Variants in ADGRB3 observed in about 807,000 individuals in gnomAD.
ADGRB3 encodes the protein adhesion G protein-coupled receptor B3.
ADGRB3 carries 37 observed loss-of-function variants against 193.4 expected under a neutral mutation model. The observed-to-expected ratio is 0.19, with a 90% CI of 0.15 to 0.25. The LOEUF is 0.25. Ranked by LOEUF, ADGRB3 falls within the 10% of genes least tolerant of loss-of-function variation. The pLI, the probability that ADGRB3 is intolerant of heterozygous loss-of-function variation, is 1.00. For synonymous variants in ADGRB3, 690 were observed against 644.2 expected (o/e 1.07, Z -1.08); for missense variants, 1,637 against 1,852.9 (o/e 0.88, Z 2.14).
At chr6:68,754,208 A>G (rs1322350969) in intron 3 of ADGRB3, among the ~76,000 whole-genome samples, 1 of 152,242 alleles carries the variant, frequency 6.6e-6, no homozygotes. Flanking sequence ...GTTTATCATG[A>G]GTTAGGCAGG....
chr6:68,700,674 T>C (rs1484418134), intron 3 of ADGRB3, among the ~76,000 whole-genome samples: 3 of 151,940 alleles, frequency 2.0e-5, no homozygotes, highest in South Asian at 4.1e-4. Context: ...TTTTTCTTCC[T>C]TGTAACTAAG....
At chr6:68,819,027 A>G (rs1767691226) in intron 3 of ADGRB3, among the ~76,000 whole-genome samples, 1 of 152,140 alleles carries the variant, frequency 6.6e-6, no homozygotes, top group Non-Finnish European at 1.5e-5. Context: ...TGTTGCAGCA[A>G]CAATGGTTAA....
intron 3 of ADGRB3, among the ~76,000 whole-genome samples, chr6:68,706,826 T>A (rs958704667): frequency 1.2e-4 from 18 of 152,254 alleles, no homozygotes; most frequent in Middle Eastern, 3.4e-3. Flanking sequence ...ATTGTTTTGA[T>A]GGAGGCTGGG....
At chr6:69,002,356 C>CT (rs1320069756) in intron 11 of ADGRB3, among the ~76,000 whole-genome samples, 3 of 151,698 alleles carry the variant, frequency 2.0e-5, no homozygotes, top group African/African-American at 7.3e-5. Context: ...ATAGCTGGGA[C>CT]TACAGGTGCA....
At chr6:69,245,910 T>C (rs1047204566) in intron 20 of ADGRB3, among the ~76,000 whole-genome samples, 2 of 152,186 alleles carry the variant, frequency 1.3e-5, no homozygotes, top group Non-Finnish European at 2.9e-5. Flanking sequence ...ATAAGTATTA[T>C]TAGATGAATG....
At chr6:69,073,086 G>A (rs79754601) in intron 16 of ADGRB3, among the ~76,000 whole-genome samples, 79 of 152,274 alleles carry the variant, frequency 5.2e-4, no homozygotes, top group Non-Finnish European at 8.7e-4. Flanking sequence ...GTAAACTATG[G>A]CTAGTGATAT....
chr6:68,748,595 C>T (rs1766130943), intron 3 of ADGRB3, among the ~76,000 whole-genome samples: 1 of 152,146 alleles, frequency 6.6e-6, no homozygotes, highest in Admixed American at 6.5e-5. Context: ...GGTACAGCCT[C>T]CCTCTTGGCT....
intron 3 of ADGRB3, among the ~76,000 whole-genome samples, chr6:68,879,088 G>A (rs928745703): frequency 1.3e-5 from 2 of 151,990 alleles, no homozygotes; most frequent in African/African-American, 4.8e-5. Context: ...CATGGCATAA[G>A]CAAGATAAAT....
chr6:69,153,072 C>G (rs753659271), intron 17 of ADGRB3, among the ~76,000 whole-genome samples: 3 of 151,856 alleles, frequency 2.0e-5, no homozygotes, highest in Non-Finnish European at 2.9e-5. Context: ...TCACATGAAG[C>G]GTCCACCCAG....
chr6:68,913,363 A>G (rs1034482572), intron 3 of ADGRB3, among the ~76,000 whole-genome samples: 1 of 152,158 alleles, frequency 6.6e-6, no homozygotes, highest in Non-Finnish European at 1.5e-5. Flanking sequence ...GAGGAACGAT[A>G]AGACAGCAAC....
At chr6:69,370,111 A>G (rs1384587744) in intron 29 of ADGRB3, among the ~76,000 whole-genome samples, 1 of 152,116 alleles carries the variant, frequency 6.6e-6, no homozygotes, top group Non-Finnish European at 1.5e-5. Context: ...TTGAATCCCA[A>G]CTCATTTGCT....
chr6:68,932,669 A>G (rs1046458422), intron 4 of ADGRB3, among the ~76,000 whole-genome samples: 1 of 151,960 alleles, frequency 6.6e-6, no homozygotes, highest in African/African-American at 2.4e-5. Flanking sequence ...AAAATTTTAC[A>G]AAAATTAAGC....
chr6:68,948,907 G>A (rs181298968), intron 6 of ADGRB3, among the ~76,000 whole-genome samples: 11 of 152,124 alleles, frequency 7.2e-5, no homozygotes, highest in Admixed American at 6.6e-4. Context: ...AGAAGATATG[G>A]ATTAAAGTTC....
At chr6:68,975,171 CTAAG>C in intron 9 of ADGRB3, 59 bp from the exon 10 acceptor site, 1 of 1,332,624 alleles carries the variant, frequency 7.5e-7, no homozygotes, top group Non-Finnish European at 1.1e-6. Flanking sequence ...TGATTCCCAG[CTAAG>C]TGTGATGCCT....
At chr6:69,364,570 T>G (rs1212046328) in intron 29 of ADGRB3, among the ~76,000 whole-genome samples, 5 of 152,068 alleles carry the variant, frequency 3.3e-5, no homozygotes, top group African/African-American at 4.8e-5. Context: ...TTTCTTTCCT[T>G]CTGGTGATAT....
chr6:68,828,881 G>T (rs1767898774), intron 3 of ADGRB3, among the ~76,000 whole-genome samples: 1 of 151,994 alleles, frequency 6.6e-6, no homozygotes, highest in Non-Finnish European at 1.5e-5. Flanking sequence ...TATGCCCACT[G>T]TATGACTGGA....
intron 3 of ADGRB3, among the ~76,000 whole-genome samples, chr6:68,700,931 T>A (rs1765232976): frequency 6.6e-6 from 1 of 151,978 alleles, no homozygotes; most frequent in South Asian, 2.1e-4. Context: ...GTAACAAACC[T>A]GCACGTTGTG....
At chr6:69,156,721 A>G (rs59209510) in intron 17 of ADGRB3, among the ~76,000 whole-genome samples, 274 of 152,314 alleles carry the variant, frequency 1.8e-3, no homozygotes, top group African/African-American at 6.2e-3. Flanking sequence ...AAAACAGAAA[A>G]TCCAATGTTG....
At position 69,333,019 on chromosome 6, in the gene ADGRB3, A is replaced by G. The variant is rs761445751; in HGVS notation, c.3188+11A>G. The G allele has an allele frequency of 4.3e-6, 7 of 1,612,210 alleles. No individual in the cohort carries two copies. Among genetic ancestry groups the G allele is most frequent in the East Asian group, 4.5e-5 (2 of 44,844 alleles). ...CAAACACAGAGCCGGGTAAGCTGCA[A>G]TTGGTGGATTTTGAAGGTTATTTAT... On this transcript the variant is annotated intron_variant, in intron 24 of 31. Coordinates refer to ENST00000370598, the MANE Select transcript of ADGRB3 (RefSeq NM_001704.3).
Sources: allele counts gnomAD v4.1 joint callset (sites outside exome capture counted in the v4.1 genomes callset), GRCh38; gene constraint gnomAD v4.1.1; transcripts MANE v1.5; gene names NCBI Gene and HGNC (gene_info 2026-07-23, HGNC 2026-07-21).